The following RNF217 variants were observed in gnomAD, a reference collection of about 807,000 sequenced individuals.
The protein encoded by RNF217 is ring finger protein 217.
Under a neutral mutation model 57.8 loss-of-function variants are expected in RNF217, and 31 were observed. The observed-to-expected ratio is 0.54, with a 90% CI of 0.40 to 0.72. The LOEUF is 0.72. Among genes scored for constraint, RNF217 ranks in the 30% least tolerant of loss-of-function variants. RNF217 has a pLI of 0.00. For synonymous variants in RNF217, 313 were observed against 294.0 expected, an observed-to-expected ratio of 1.06 and a Z score of -0.66; for missense variants, 696 against 708.3, an observed-to-expected ratio of 0.98 and a Z score of 0.20.
chr6:125,061,372 T>C (rs1420389648), intron 3 of RNF217, among the ~76,000 whole-genome samples: 1 of 151,716 alleles, frequency 6.6e-6, no homozygotes, highest in Non-Finnish European at 1.5e-5. Context: ...TTTTAAAATA[T>C]TTTTTCTTGT....
At chr6:125,074,304 GATAGA>G (rs1788270656) in intron 3 of RNF217, among the ~76,000 whole-genome samples, 1 of 83,168 alleles carries the variant, frequency 1.2e-5, no homozygotes, top group Non-Finnish European at 2.9e-5. Flanking sequence ...TAGGTAGATA[GATAGA>G]TAGATAGATA....
chr6:125,062,062 A>G (rs1224867717), intron 3 of RNF217, among the ~76,000 whole-genome samples: 2 of 152,024 alleles, frequency 1.3e-5, no homozygotes, highest in Non-Finnish European at 2.9e-5. Flanking sequence ...TATAATACAT[A>G]ATAGTCTCTT....
At chr6:125,006,489 T>G (rs978528129) in intron 1 of RNF217, among the ~76,000 whole-genome samples, 2 of 152,230 alleles carry the variant, frequency 1.3e-5, no homozygotes, top group Non-Finnish European at 2.9e-5. Context: ...TACAGCATGC[T>G]TTTTTAAACT....
At position 124,962,502 on chromosome 6, in the gene RNF217, C is replaced by T. The variant is rs1367639884; in HGVS notation, c.-43C>T. Reference sequence around the variant, plus strand: ...TGCCCGCGGGCGCCGGGTGGGGGTCCCGGCGGCTGGATGGGCAGCGGCGGC... The same window carrying T: ...TGCCCGCGGGCGCCGGGTGGGGGTCTCGGCGGCTGGATGGGCAGCGGCGGC... On this transcript the variant is annotated 5_prime_UTR_variant, in exon 1 of 6. Coordinates refer to ENST00000521654, the MANE Select transcript of RNF217 (RefSeq NM_001286398.3). This position sits in a 1 kb window ranked among gnomAD's most constrained non-coding sequence, Gnocchi z 4.6. The T allele has an allele frequency of 1.9e-6, 2 of 1,058,174 alleles. No homozygotes were observed. The highest frequency in any genetic ancestry group is 2.3e-6 in the Non-Finnish European group (2 of 855,316). The allele number at this position is 1,058,174 out of a possible 1,614,324, so 65.5% of individuals were successfully genotyped here.
At chr6:125,035,427 C>A (rs1248028182) in intron 1 of RNF217, among the ~76,000 whole-genome samples, 2 of 152,104 alleles carry the variant, frequency 1.3e-5, no homozygotes, top group Non-Finnish European at 2.9e-5. Context: ...AATTTTCAAC[C>A]CAGAATTTCA....
At chr6:124,970,323 G>A (rs1042781560) in intron 1 of RNF217, among the ~76,000 whole-genome samples, 2 of 152,202 alleles carry the variant, frequency 1.3e-5, no homozygotes, top group African/African-American at 4.8e-5. Context: ...GTTCAGACTA[G>A]AGTGATACAG....
In RNF217 at chr6:125,045,385, A is replaced by T. The variant is rs2114534401; in HGVS notation, c.1057A>T (p.Thr353Ser). 6.2e-7 allele frequency: 1 copy of T among 1,613,394 alleles called. No homozygotes were observed. The highest frequency in any genetic ancestry group is 8.5e-7 in the Non-Finnish European group (1 of 1,179,622). The change falls in exon 2 of 6, where the codon ACA becomes TCA. Residue 353 changes from threonine to serine, a missense_variant. Physicochemically the swap from Thr to Ser is moderately conservative, Grantham distance 58 (BLOSUM62 1). Transcript: ENST00000521654. ...GCCATGTCCTCAGTGCAAGCACTTT[A>T]CAACCTTCAAGAAAAAAGGACATAT... is the stretch of plus-strand genomic sequence containing the variant. ...TKPCPQCKHF[T>S]TFKKKGHIPT...
chr6:125,082,826 T>G, intron 5 of RNF217, 38 bp from the exon 6 acceptor site: 1 of 1,448,688 alleles, frequency 6.9e-7, no homozygotes, highest in Non-Finnish European at 9.6e-7. Flanking sequence ...CCTAAATGCC[T>G]CTCATCCTAA....
intron 3 of RNF217, among the ~76,000 whole-genome samples, chr6:125,060,085 G>A (rs1255435160): frequency 1.3e-5 from 2 of 151,946 alleles, no homozygotes; most frequent in African/African-American, 4.8e-5. Context: ...TTGCCCCATG[G>A]AACATTTCTA....
intron 1 of RNF217, chr6:124,983,395 G>A: frequency 2.0e-6 from 2 of 985,028 alleles, no homozygotes; most frequent in Non-Finnish European, 2.4e-6. Flanking sequence ...ACAAACATGA[G>A]AAGATTAAGG....
intron 2 of RNF217, among the ~76,000 whole-genome samples, chr6:125,054,161 T>A (rs1003565535): frequency 1.3e-5 from 2 of 152,120 alleles, no homozygotes; most frequent in African/African-American, 4.8e-5. Flanking sequence ...TAATGGAAGT[T>A]CCATAAGAAA....
chr6:124,996,921 C>T (rs535742751), intron 1 of RNF217, among the ~76,000 whole-genome samples: 44 of 151,944 alleles, frequency 2.9e-4, no homozygotes, highest in African/African-American at 9.9e-4. Context: ...AAAAATGATC[C>T]GTATTTTCTT....
At chr6:124,974,413 ATAAT>A (rs1783880947) in intron 1 of RNF217, among the ~76,000 whole-genome samples, 1 of 152,176 alleles carries the variant, frequency 6.6e-6, no homozygotes, top group Non-Finnish European at 1.5e-5. Flanking sequence ...TTATCTTTAA[ATAAT>A]TTAATAATAC....
chr6:125,033,901 A>G (rs1786480504), intron 1 of RNF217, among the ~76,000 whole-genome samples: 3 of 151,934 alleles, frequency 2.0e-5, no homozygotes, highest in Admixed American at 6.6e-5. Flanking sequence ...GTGGTGTGAG[A>G]TGGTATCTCA....
intron 3 of RNF217, among the ~76,000 whole-genome samples, chr6:125,073,868 G>A (rs774255998): frequency 4.6e-5 from 7 of 152,188 alleles, no homozygotes; most frequent in Non-Finnish European, 1.0e-4. Context: ...GTGCCAAAAC[G>A]AGTTTGGCAC....
chr6:125,065,399 G>A (rs190319583), intron 3 of RNF217, among the ~76,000 whole-genome samples: 246 of 151,936 alleles, frequency 1.6e-3, no homozygotes, highest in Non-Finnish European at 2.6e-3. Context: ...CAATATGAAT[G>A]TCCGATGCAT....
At chr6:124,980,807 G>C (rs1364656255) in intron 1 of RNF217, among the ~76,000 whole-genome samples, 2 of 152,134 alleles carry the variant, frequency 1.3e-5, no homozygotes, top group Non-Finnish European at 2.9e-5. Context: ...ATAGAGTCCT[G>C]AAATTTCCCT....
At chr6:125,047,882 A>G (rs1057351328) in intron 2 of RNF217, among the ~76,000 whole-genome samples, 10 of 152,092 alleles carry the variant, frequency 6.6e-5, no homozygotes, top group Admixed American at 4.6e-4. Context: ...GCAAATTTCA[A>G]AAGAGTAAAA....
intron 1 of RNF217, among the ~76,000 whole-genome samples, chr6:125,044,448 T>TGCTAA (rs1319236278): frequency 1.3e-5 from 2 of 152,124 alleles, no homozygotes; most frequent in Non-Finnish European, 2.9e-5. Context: ...ACATATCTAG[T>TGCTAA]ACTCCATAAC....
Sources: allele counts gnomAD v4.1 joint callset (sites outside exome capture counted in the v4.1 genomes callset), GRCh38; gene constraint gnomAD v4.1.1; non-coding constraint Gnocchi (gnomAD v3.1); transcripts MANE v1.5; gene names NCBI Gene and HGNC (gene_info 2026-07-23, HGNC 2026-07-21).